The following RSRC1 variants were observed in gnomAD, a reference collection of about 807,000 sequenced individuals.
RSRC1 encodes the protein arginine and serine rich coiled-coil 1, also known as serine/Arginine-related protein 53.
A neutral mutation model predicts 49.1 loss-of-function variants in RSRC1; 39 were observed. The observed-to-expected ratio is 0.79, with a 90% CI of 0.61 to 1.04. The LOEUF (loss-of-function observed/expected upper bound fraction) is 1.04, where lower values mean the gene tolerates loss of function less well. Ranked by LOEUF, RSRC1 falls within the 50% of genes least tolerant of loss-of-function variation. The pLI is 0.00. For missense variants in RSRC1, 388 were observed against 402.4 expected (o/e 0.96, Z 0.31); for synonymous variants, 143 against 130.8 (o/e 1.09, Z -0.63).
At chr3:158,503,439 C>T (rs1254302488) in intron 7 of RSRC1, among the ~76,000 whole-genome samples, 1 of 152,052 alleles carries the variant, frequency 6.6e-6, no homozygotes, top group Non-Finnish European at 1.5e-5. Flanking sequence ...TGGGCGGGGC[C>T]CTAGAACTCC....
chr3:158,400,471 C>G (rs1471230925), intron 6 of RSRC1, among the ~76,000 whole-genome samples: 1 of 151,852 alleles, frequency 6.6e-6, no homozygotes, highest in African/African-American at 2.4e-5. Context: ...AGGAGGTATT[C>G]CAGAAGAAGG....
At chr3:158,252,255 G>A (rs1000967455) in intron 4 of RSRC1, among the ~76,000 whole-genome samples, 3 of 151,530 alleles carry the variant, frequency 2.0e-5, no homozygotes, top group South Asian at 2.1e-4. Context: ...TCCACCTCCC[G>A]GGTTCACGCC....
intron 7 of RSRC1, among the ~76,000 whole-genome samples, chr3:158,516,557 G>A (rs987055490): frequency 6.6e-6 from 1 of 152,180 alleles, no homozygotes; most frequent in Admixed American, 6.5e-5. Flanking sequence ...TTTGTTGTCT[G>A]TGCCCTGCCC....
chr3:158,517,116 C>T (rs1740604098), intron 7 of RSRC1, among the ~76,000 whole-genome samples: 1 of 152,152 alleles, frequency 6.6e-6, no homozygotes, highest in Non-Finnish European at 1.5e-5. Context: ...CATCTTGGCT[C>T]CTCCCTCCAT....
chr3:158,295,794 T>G (rs948892159), intron 4 of RSRC1, among the ~76,000 whole-genome samples: 1 of 152,128 alleles, frequency 6.6e-6, no homozygotes, highest in Non-Finnish European at 1.5e-5. Flanking sequence ...CATTGTCTTT[T>G]TGTTTTAAAG....
intron 4 of RSRC1, among the ~76,000 whole-genome samples, chr3:158,227,828 C>T (rs1397426428): frequency 2.0e-5 from 3 of 151,964 alleles, no homozygotes; most frequent in Non-Finnish European, 2.9e-5. Context: ...TGAAAGAAAC[C>T]ATAGACAATA....
chr3:158,425,175 G>T (rs1457885356), intron 6 of RSRC1, among the ~76,000 whole-genome samples: 2 of 151,924 alleles, frequency 1.3e-5, no homozygotes, highest in Admixed American at 6.6e-5. Flanking sequence ...TGATGTTAGG[G>T]TGTCAATTTT....
chr3:158,148,567 A>G (rs1197193152), intron 3 of RSRC1, among the ~76,000 whole-genome samples: 3 of 152,112 alleles, frequency 2.0e-5, no homozygotes, highest in Non-Finnish European at 4.4e-5. Context: ...TGGGGTTACT[A>G]ACTACTTTGC....
chr3:158,162,232 T>C (rs1718273590), intron 3 of RSRC1, among the ~76,000 whole-genome samples: 1 of 152,212 alleles, frequency 6.6e-6, no homozygotes, highest in Admixed American at 6.5e-5. Flanking sequence ...TGAAAGATAC[T>C]GTTTAGATTT....
At chr3:158,177,207 G>A (rs1251404933) in intron 3 of RSRC1, among the ~76,000 whole-genome samples, 3 of 152,214 alleles carry the variant, frequency 2.0e-5, no homozygotes, top group African/African-American at 7.2e-5. Context: ...GTGCAAATTA[G>A]TTCAACCATT....
chr3:158,137,833 T>C (rs750396722), intron 3 of RSRC1, among the ~76,000 whole-genome samples: 2 of 152,040 alleles, frequency 1.3e-5, no homozygotes, highest in African/African-American at 2.4e-5. Context: ...TTCGTATTTT[T>C]AGTAGAGACA....
intron 6 of RSRC1, among the ~76,000 whole-genome samples, chr3:158,431,473 A>G (rs956440458): frequency 6.6e-6 from 1 of 151,896 alleles, no homozygotes; most frequent in African/African-American, 2.4e-5. Flanking sequence ...TATTCTGCCT[A>G]TTTTTAAAAT....
At chr3:158,505,719 G>T (rs922269874) in intron 7 of RSRC1, among the ~76,000 whole-genome samples, 2 of 144,156 alleles carry the variant, frequency 1.4e-5, no homozygotes, top group African/African-American at 2.6e-5. Flanking sequence ...ATAGGTTCAA[G>T]GAAGAAAGTA....
intron 5 of RSRC1, among the ~76,000 whole-genome samples, chr3:158,329,501 A>T (rs1410913417): frequency 1.3e-5 from 2 of 152,106 alleles, no homozygotes; most frequent in African/African-American, 4.8e-5. Context: ...CTGGAGGTCC[A>T]CTCCAGCCCC....
intron 3 of RSRC1, among the ~76,000 whole-genome samples, chr3:158,139,673 G>A (rs7623618): frequency 0.59 from 88,304 of 148,502 alleles, 26,399 homozygotes; most frequent in East Asian, 0.71. Flanking sequence ...TCGCTCTTTC[G>A]CCCAGGCTGG....
At position 158,544,409 on chromosome 3, in the gene RSRC1, C is replaced by A; in HGVS notation, c.*134C>A. On this transcript the variant is annotated 3_prime_UTR_variant, in exon 10 of 10. Transcript: ENST00000611884. ...ATAAAGGTAGTCTCATTTCATTTGT[C>A]TCTCATGTAGGCTTGAATATTTGTT... 1 of 497,832 alleles carries A rather than the reference C, an allele frequency of 2.0e-6. No individual in the cohort carries two copies. 30.8% of individuals were successfully genotyped at this position (497,832 alleles called of 1,614,324 possible).
Position 158,544,393 on chromosome 3 carries a change from G to A in RSRC1, c.*118G>A, listed in dbSNP as rs1713215017. The A allele has an allele frequency of 1.3e-5, 7 of 533,768 alleles. No individual in the cohort carries two copies. In the Admixed American group the frequency reaches 2.4e-4, roughly 18 times the overall value. The allele number at this position is 533,768 out of a possible 1,614,324, so 33.1% of individuals were successfully genotyped here. On this transcript the variant is annotated 3_prime_UTR_variant, in exon 10 of 10. Coordinates refer to ENST00000611884, the MANE Select transcript of RSRC1 (RefSeq NM_001271838.2). ...ATTTTGCTGATTATATATAAAGGTA[G>A]TCTCATTTCATTTGTCTCTCATGTA...
At chr3:158,379,095 C>T (rs1732544715) in intron 6 of RSRC1, among the ~76,000 whole-genome samples, 1 of 151,610 alleles carries the variant, frequency 6.6e-6, no homozygotes, top group Non-Finnish European at 1.5e-5. Flanking sequence ...TGTGCAATAG[C>T]TTCTTTACTG....
At chr3:158,136,783 G>A in intron 3 of RSRC1, 1 of 152,078 alleles carries the variant, frequency 6.6e-6, no homozygotes, top group Admixed American at 6.6e-5. Flanking sequence ...GAGCAATAGA[G>A]AAAACGAGAA....
Sources: gnomAD v4.1 joint callset for allele counts (sites outside exome capture counted in the v4.1 genomes callset) on GRCh38, gnomAD v4.1.1 for gene constraint, MANE v1.5 for transcripts, NCBI Gene and HGNC (gene_info 2026-07-23, HGNC 2026-07-21) for gene names.